Variants in SLC7A8 observed in about 807,000 individuals in gnomAD.
The protein encoded by SLC7A8 is solute carrier family 7 member 8.
A neutral mutation model predicts 51.2 loss-of-function variants in SLC7A8; 30 were observed. The observed-to-expected ratio is 0.59, with a 90% confidence interval of 0.44 to 0.80. The LOEUF is 0.80. Ranked by LOEUF, SLC7A8 falls within the 30% of genes least tolerant of loss-of-function variation. SLC7A8 has a pLI of 0.00. For missense variants in SLC7A8, 612 were observed against 674.4 expected (o/e 0.91, Z 1.03); for synonymous variants, 257 against 275.8 (o/e 0.93, Z 0.67).
chr14:23,142,065 T>C (rs1259816177), intron 4 of SLC7A8, among the ~76,000 whole-genome samples: 2 of 152,250 alleles, frequency 1.3e-5, no homozygotes, highest in Non-Finnish European at 2.9e-5. Flanking sequence ...CTGAAAGCAA[T>C]ATATAACCTG....
intron 1 of SLC7A8, among the ~76,000 whole-genome samples, chr14:23,172,565 A>G (rs2140338879): frequency 6.6e-6 from 1 of 152,324 alleles, no homozygotes; most frequent in Non-Finnish European, 1.5e-5. Context: ...TGAAGGACCC[A>G]CATCTTGCCT....
At chr14:23,158,584 T>C (rs1170797628) in intron 3 of SLC7A8, among the ~76,000 whole-genome samples, 1 of 152,204 alleles carries the variant, frequency 6.6e-6, no homozygotes, top group African/African-American at 2.4e-5. Flanking sequence ...GACCTCGTGA[T>C]CCACCCGCCT....
At chr14:23,133,422 C>T (rs1594818114) in intron 7 of SLC7A8, among the ~76,000 whole-genome samples, 1 of 98,246 alleles carries the variant, frequency 1.0e-5, no homozygotes. Flanking sequence ...CCCTAGGCAA[C>T]AGAGCAAGAA....
At chr14:23,176,941 CAAAAAA>C (rs10633003) in intron 1 of SLC7A8, among the ~76,000 whole-genome samples, 2 of 72,868 alleles carry the variant, frequency 2.7e-5, no homozygotes, top group Non-Finnish European at 6.1e-5. Flanking sequence ...GACTCTGTCT[CAAAAAA>C]AAAAAAAAAA....
At chr14:23,177,788 T>C (rs1876989157) in intron 1 of SLC7A8, among the ~76,000 whole-genome samples, 1 of 152,184 alleles carries the variant, frequency 6.6e-6, no homozygotes, top group Non-Finnish European at 1.5e-5. Flanking sequence ...ACCGGGAATA[T>C]TACTTTCTTC....
chr14:23,129,727 A>G lies in SLC7A8; in HGVS notation c.1186T>C (p.Tyr396His), dbSNP rs1179893115. The change falls in exon 9 of 11, where the codon TAC (tyrosine) becomes CAC (histidine). Residue 396 changes from tyrosine to histidine, a missense_variant. Tyr to His is a moderately conservative substitution (Grantham distance 83). Transcript: ENST00000316902. The part of the protein sequence containing the change: ...TLINYVGFIN[Y>H]LFYGVTVAGQ... ...GCAACCGTGACCCCATAGAAGAGGTAGTTGATGAAGCCCACATAGTTGATG... is the reference window on the plus strand; with the variant it reads ...GCAACCGTGACCCCATAGAAGAGGTGGTTGATGAAGCCCACATAGTTGATG... 3 of 1,614,114 alleles carry G rather than the reference A, an allele frequency of 1.9e-6. No individual in the cohort carries two copies. The highest frequency in any genetic ancestry group is 1.1e-5 in the South Asian group (1 of 91,088).
intron 3 of SLC7A8, among the ~76,000 whole-genome samples, chr14:23,147,573 C>T (rs938788920): frequency 2.0e-5 from 3 of 152,186 alleles, no homozygotes; most frequent in African/African-American, 7.2e-5. Context: ...TGGTTCTTGT[C>T]CGTTGTAACC....
chr14:23,138,126 T>C, intron 6 of SLC7A8, 102 bp from the exon 7 acceptor site: 1 of 1,398,984 alleles, frequency 7.1e-7, no homozygotes, highest in Non-Finnish European at 9.7e-7. Flanking sequence ...TCTCCACCCT[T>C]GCTAATTCTC....
intron 6 of SLC7A8, 153 bp from the exon 7 acceptor site, chr14:23,138,177 G>T: frequency 1.1e-6 from 1 of 899,410 alleles, no homozygotes; most frequent in Non-Finnish European, 1.7e-6. Flanking sequence ...TCTCAAGGGT[G>T]GACCCCTACA....
chr14:23,156,003 CT>C lies in SLC7A8; in HGVS notation c.508+9281del, dbSNP rs556425559. On this transcript the variant is annotated intron_variant, in intron 3 of 10. Coordinates refer to ENST00000316902, the MANE Select transcript of SLC7A8 (RefSeq NM_012244.4). ...GCTGAACTCTTTTTTCTTTTCTTTT[CT>C]TTTTTTTTTTTGAGATGGAGTTTCG... is the stretch of plus-strand genomic sequence containing the variant. Among the ~76,000 whole-genome samples, 192 of 145,202 alleles carry C rather than the reference CT, an allele frequency of 1.3e-3. 1 individual carries two copies. The highest frequency in any genetic ancestry group is 0.012 in the East Asian group (63 of 5,042).
At chr14:23,148,607 G>A (rs2048819418) in intron 3 of SLC7A8, among the ~76,000 whole-genome samples, 1 of 152,170 alleles carries the variant, frequency 6.6e-6, no homozygotes, top group African/African-American at 2.4e-5. Flanking sequence ...CTTTCAAGAG[G>A]GAGGCAAGAA....
chr14:23,147,753 GTTAC>G (rs1268455928), intron 3 of SLC7A8, among the ~76,000 whole-genome samples: 1 of 152,180 alleles, frequency 6.6e-6, no homozygotes, highest in Non-Finnish European at 1.5e-5. Context: ...TCAGGGGCTG[GTTAC>G]TTAATCCACC....
chr14:23,154,548 G>A (rs1052583990), intron 3 of SLC7A8: 9 of 913,002 alleles, frequency 9.9e-6, no homozygotes, highest in Admixed American at 1.2e-4. Flanking sequence ...AAGCCGCTTC[G>A]GCTTGGCCTG....
At chr14:23,129,821 A>G in intron 8 of SLC7A8, 22 bp from the exon 9 acceptor site, 1 of 1,612,564 alleles carries the variant, frequency 6.2e-7, no homozygotes. Context: ...GGAGGAGCTC[A>G]TCAGTGATCC....
chr14:23,177,914 T>G (rs544342682), intron 1 of SLC7A8, among the ~76,000 whole-genome samples: 1 of 152,334 alleles, frequency 6.6e-6, no homozygotes, highest in African/African-American at 2.4e-5. Context: ...AATAAGGACC[T>G]CTGTCCAGAT....
chr14:23,177,485 G>A (rs920348530), intron 1 of SLC7A8, among the ~76,000 whole-genome samples: 2 of 152,186 alleles, frequency 1.3e-5, no homozygotes, highest in African/African-American at 2.4e-5. Context: ...AATCAGTTCT[G>A]GTTCAAGAGG....
chr14:23,177,225 A>T (rs937756215), intron 1 of SLC7A8, among the ~76,000 whole-genome samples: 1 of 152,268 alleles, frequency 6.6e-6, no homozygotes, highest in Non-Finnish European at 1.5e-5. Flanking sequence ...AATTCCACTT[A>T]AAGATTTCTC....
intron 3 of SLC7A8, chr14:23,147,050 T>C (rs1489552413): frequency 7.3e-6 from 1 of 136,746 alleles, no homozygotes; most frequent in Non-Finnish European, 1.6e-5. Context: ...TCATTGGCCA[T>C]AGCAGCTTTG....
chr14:23,136,428 C>G (rs192853780), intron 7 of SLC7A8, among the ~76,000 whole-genome samples: 1 of 152,282 alleles, frequency 6.6e-6, no homozygotes, highest in East Asian at 1.9e-4. Flanking sequence ...GTCAGGTTCA[C>G]AAGAGACAGT....
Sources: gnomAD v4.1 joint callset for allele counts (sites outside exome capture counted in the v4.1 genomes callset) on GRCh38, gnomAD v4.1.1 for gene constraint, MANE v1.5 for transcripts, NCBI Gene and HGNC (gene_info 2026-07-23, HGNC 2026-07-21) for gene names.